The following TNRC6A variants were observed in gnomAD, a reference collection of about 807,000 sequenced individuals.
TNRC6A encodes trinucleotide repeat-containing gene 6A protein.
In TNRC6A, 44 loss-of-function variants were observed where a neutral mutation model predicts 221.2. The observed-to-expected ratio is 0.20, with a 90% CI of 0.16 to 0.26. The LOEUF is 0.26. Among genes scored for constraint, TNRC6A ranks in the 10% least tolerant of loss-of-function variants. The pLI is 1.00. For synonymous variants in TNRC6A, 847 were observed against 838.5 expected (o/e 1.01, Z -0.18); for missense variants, 2,199 against 2,404.4 (o/e 0.91, Z 1.79).
chr16:24,734,975 T>C (rs2056730865), intron 2 of TNRC6A, among the ~76,000 whole-genome samples: 1 of 152,196 alleles, frequency 6.6e-6, no homozygotes, highest in Admixed American at 6.5e-5. Flanking sequence ...GTGGGACAAA[T>C]GCTATATTAG....
At chr16:24,786,337 T>C (rs1433939888) in intron 5 of TNRC6A, among the ~76,000 whole-genome samples, 4 of 152,022 alleles carry the variant, frequency 2.6e-5, no homozygotes, top group African/African-American at 9.7e-5. Context: ...TTTGTTTTGT[T>C]TTTTTTGAGA....
At chr16:24,650,782 C>A (rs1902600391) in intron 2 of TNRC6A, among the ~76,000 whole-genome samples, 1 of 152,088 alleles carries the variant, frequency 6.6e-6, no homozygotes, top group Non-Finnish European at 1.5e-5. Flanking sequence ...GCCATGTGCA[C>A]TGGCAATATA....
intron 2 of TNRC6A, among the ~76,000 whole-genome samples, chr16:24,717,478 C>A (rs896680928): frequency 6.6e-6 from 1 of 152,108 alleles, no homozygotes; most frequent in Non-Finnish European, 1.5e-5. Flanking sequence ...CAATGAATAT[C>A]CAAAGGACCT....
chr16:24,763,019 T>G (rs2057396498), intron 4 of TNRC6A, among the ~76,000 whole-genome samples: 1 of 152,206 alleles, frequency 6.6e-6, no homozygotes, highest in South Asian at 2.1e-4. Flanking sequence ...AGTATAATTT[T>G]GTGAATCAGA....
chr16:24,689,446 G>T (rs1265312282), intron 2 of TNRC6A, among the ~76,000 whole-genome samples: 1 of 152,200 alleles, frequency 6.6e-6, no homozygotes, highest in Non-Finnish European at 1.5e-5. Context: ...GCTGAAATCC[G>T]CACATTGATG....
intron 2 of TNRC6A, among the ~76,000 whole-genome samples, chr16:24,739,989 C>G (rs1422271588): frequency 6.6e-6 from 1 of 152,210 alleles, no homozygotes; most frequent in Non-Finnish European, 1.5e-5. Context: ...GGCATGAGGG[C>G]TCCAATGTCA....
At chr16:24,665,272 G>T (rs1037893163) in intron 2 of TNRC6A, among the ~76,000 whole-genome samples, 2 of 151,850 alleles carry the variant, frequency 1.3e-5, no homozygotes, top group African/African-American at 4.8e-5. Flanking sequence ...ACGGGATCTT[G>T]CTATGTTGCC....
chr16:24,610,452 C>G (rs1446396823), exon 1 of TNRC6A: 1 of 152,272 alleles, frequency 6.6e-6, no homozygotes, highest in Non-Finnish European at 1.5e-5. Flanking sequence ...GAGCGGTGCC[C>G]CATCATTTTG....
At chr16:24,658,235 T>C (rs1296995335) in intron 2 of TNRC6A, among the ~76,000 whole-genome samples, 3 of 152,204 alleles carry the variant, frequency 2.0e-5, no homozygotes, top group Non-Finnish European at 4.4e-5. Context: ...GACAATTAGT[T>C]ACATTTTTCT....
At chr16:24,699,315 A>G (rs933058055) in intron 2 of TNRC6A, among the ~76,000 whole-genome samples, 1 of 152,220 alleles carries the variant, frequency 6.6e-6, no homozygotes, top group Non-Finnish European at 1.5e-5. Flanking sequence ...AGCACTACAG[A>G]GCACAGAAGA....
At position 24,750,798 on chromosome 16, in the gene TNRC6A, A is replaced by G. The variant is rs1415383113; in HGVS notation, c.126A>G (p.Glu42=). 1.3e-6 allele frequency: 2 copies of G among 1,562,314 alleles called. No individual in the cohort carries two copies. Among genetic ancestry groups the G allele is most frequent in the Admixed American group, 2.0e-5 (1 of 50,570 alleles). ...KKKKDDKKKK[E]AAQKKATEQK... ...AAAAAGACGACAAGAAAAAGAAGGA[A>G]GCTGCTCAAAAGAAGGTAGTATGTG... The change falls in exon 3 of 25, where the codon GAA becomes GAG. Residue 42 remains glutamate, a synonymous_variant. Transcript: ENST00000395799.
At chr16:24,726,357 G>T (rs1447899185), upstream of TNRC6A, among the ~76,000 whole-genome samples, 1 of 50,582 alleles carries the variant, frequency 2.0e-5, no homozygotes, top group Non-Finnish European at 3.7e-5. Context: ...GTTAGCAAAA[G>T]ATACCAAAAA....
intron 2 of TNRC6A, among the ~76,000 whole-genome samples, chr16:24,740,808 G>T (rs1268666454): frequency 6.6e-6 from 1 of 152,062 alleles, no homozygotes; most frequent in Admixed American, 6.5e-5. Flanking sequence ...ACTCCCTATT[G>T]CCTTCAGCTC....
intron 2 of TNRC6A, among the ~76,000 whole-genome samples, chr16:24,694,442 C>T (rs1248311984): frequency 6.6e-6 from 1 of 151,796 alleles, no homozygotes; most frequent in East Asian, 1.9e-4. Context: ...GATCACGAGG[C>T]CAGGAGATCG....
At chr16:24,729,595 A>C (rs1411359148), upstream of TNRC6A, 2 of 404,410 alleles carry the variant, frequency 4.9e-6, no homozygotes, top group South Asian at 8.3e-5. Context: ...TAGGGCCTCC[A>C]TCTTGGGGGC....
At chr16:24,685,579 T>C (rs1471063268) in intron 2 of TNRC6A, among the ~76,000 whole-genome samples, 4 of 152,204 alleles carry the variant, frequency 2.6e-5, no homozygotes, top group Non-Finnish European at 5.9e-5. Flanking sequence ...ACTCAAGCGA[T>C]CTGCCTGCCT....
upstream of TNRC6A, among the ~76,000 whole-genome samples, chr16:24,724,925 C>T (rs927898485): frequency 6.6e-6 from 1 of 152,106 alleles, no homozygotes; most frequent in Non-Finnish European, 1.5e-5. Context: ...AAAATCTTTT[C>T]TTCCAAGTAC....
intron 4 of TNRC6A, among the ~76,000 whole-genome samples, chr16:24,762,839 T>A (rs1380999738): frequency 6.6e-6 from 1 of 152,162 alleles, no homozygotes; most frequent in African/African-American, 2.4e-5. Context: ...TGCAGTTACA[T>A]GGAAGACAAG....
rs555711133 is a variant in TNRC6A, at chr16:24,647,911, T to A, written n.402+6902T>A. 1.3e-4 allele frequency among the ~76,000 whole-genome samples: 20 copies of A among 152,130 alleles called. No individual in the cohort carries two copies. In the South Asian group the frequency reaches 1.5e-3, roughly 11 times the overall value. ...CAGGCGTGAGCCACTGCACCCAGCCTATTTTCTATATCTATGAGTTTGACT... is the reference window on the plus strand; with the variant it reads ...CAGGCGTGAGCCACTGCACCCAGCCAATTTTCTATATCTATGAGTTTGACT... On this transcript the variant is annotated intron_variant and non_coding_transcript_variant, in intron 2 of 2. Coordinates refer to the TNRC6A transcript ENST00000566108.
Sources: gnomAD v4.1 joint callset for allele counts (sites outside exome capture counted in the v4.1 genomes callset) on GRCh38, gnomAD v4.1.1 for gene constraint, MANE v1.5 for transcripts, NCBI Gene and HGNC (gene_info 2026-07-23, HGNC 2026-07-21) for gene names.